Variants in DLG2 observed in about 807,000 individuals in gnomAD.
DLG2 encodes disks large homolog 2.
Under a neutral mutation model 132.5 loss-of-function variants are expected in DLG2, and 45 were observed. The ratio of observed to expected loss-of-function variants is 0.34; its 90% confidence interval spans 0.27 to 0.44. The LOEUF (loss-of-function observed/expected upper bound fraction) is 0.44. Among genes scored for constraint, DLG2 ranks in the 20% least tolerant of loss-of-function variants. The pLI is 1.00. For synonymous variants in DLG2, 424 were observed against 419.6 expected (o/e 1.01, Z -0.13); for missense variants, 1,045 against 1,196.9 (o/e 0.87, Z 1.87).
intron 19 of DLG2, among the ~76,000 whole-genome samples, chr11:83,599,678 G>A (rs1440392103): frequency 6.6e-6 from 1 of 152,110 alleles, no homozygotes; most frequent in African/African-American, 2.4e-5. Flanking sequence ...TGTTTTTTGA[G>A]GACAAGATCC....
intron 11 of DLG2, among the ~76,000 whole-genome samples, chr11:84,006,664 G>A (rs151126803): frequency 1.1e-4 from 17 of 151,526 alleles, no homozygotes; most frequent in Admixed American, 2.0e-4. Context: ...AAAATATTAC[G>A]TATCAATAAA....
chr11:84,806,903 G>A (rs2076060085), intron 6 of DLG2, among the ~76,000 whole-genome samples: 1 of 151,962 alleles, frequency 6.6e-6, no homozygotes, highest in Non-Finnish European at 1.5e-5. Context: ...AAGACTAAGG[G>A]AATATAAATG....
intron 6 of DLG2, among the ~76,000 whole-genome samples, chr11:85,066,996 G>A (rs1371347027): frequency 6.6e-6 from 1 of 151,692 alleles, no homozygotes; most frequent in Non-Finnish European, 1.5e-5. Flanking sequence ...AAATTTTTCT[G>A]TTCACTGATG....
At chr11:85,576,366 G>A (rs1317275047) in intron 3 of DLG2, among the ~76,000 whole-genome samples, 1 of 152,086 alleles carries the variant, frequency 6.6e-6, no homozygotes, top group Non-Finnish European at 1.5e-5. Context: ...TTAACCTGAT[G>A]TACTTTCCTG....
At chr11:85,051,648 G>A (rs534960568) in intron 6 of DLG2, among the ~76,000 whole-genome samples, 4 of 152,200 alleles carry the variant, frequency 2.6e-5, no homozygotes, top group South Asian at 2.1e-4. Flanking sequence ...TTTATAGTGC[G>A]GAGTTGTGAA....
At chr11:83,521,708 C>G (rs1835762) in intron 21 of DLG2, among the ~76,000 whole-genome samples, 28,095 of 152,056 alleles carry the variant, frequency 0.18, 2,822 homozygotes, top group Non-Finnish European at 0.19. Flanking sequence ...CAATTCTATT[C>G]AGGGTCCCCC....
chr11:83,747,729 T>C (rs1042154043), intron 18 of DLG2, among the ~76,000 whole-genome samples: 3 of 152,042 alleles, frequency 2.0e-5, no homozygotes, highest in Non-Finnish European at 2.9e-5. Context: ...TTAGTTTTTA[T>C]GGTTGTATTA....
At chr11:85,589,184 T>C (rs1396508282) in intron 3 of DLG2, among the ~76,000 whole-genome samples, 1 of 152,204 alleles carries the variant, frequency 6.6e-6, no homozygotes, top group African/African-American at 2.4e-5. Flanking sequence ...TGGACAGATT[T>C]AGGACCACTG....
rs753885576 is a variant in DLG2 at position 85,101,104 on chromosome 11, C to T, written c.357+10557G>A. Among the ~76,000 whole-genome samples the T allele has an allele frequency of 3.9e-5, 6 of 152,026 alleles. No individual in the cohort carries two copies. In the South Asian group the frequency reaches 8.3e-4, roughly 21 times the overall value. On this transcript the variant is annotated intron_variant, in intron 6 of 27. Transcript: ENST00000376104. ...CCAGTGCCCCAGAACCAAATTATAT[C>T]ATAAAGCGTAAGAGCTTGTTATTGC... is the stretch of plus-strand genomic sequence containing the variant.
At chr11:84,613,080 T>G (rs1335492882) in intron 6 of DLG2, among the ~76,000 whole-genome samples, 1 of 152,116 alleles carries the variant, frequency 6.6e-6, no homozygotes, top group Non-Finnish European at 1.5e-5. Flanking sequence ...GTGAGGCAGT[T>G]GGGCTGATCG....
intron 3 of DLG2, among the ~76,000 whole-genome samples, chr11:85,464,961 C>A (rs551917149): frequency 6.6e-6 from 1 of 150,928 alleles, no homozygotes; most frequent in South Asian, 2.1e-4. Context: ...GTAATCCCAG[C>A]TACTTGGGAG....
At chr11:84,380,119 T>A (rs917764825) in intron 7 of DLG2, among the ~76,000 whole-genome samples, 3 of 152,000 alleles carry the variant, frequency 2.0e-5, no homozygotes, top group African/African-American at 7.2e-5. Context: ...ATAAAAACAT[T>A]TTTGGACAAA....
chr11:83,746,701 A>G (rs186505050), intron 18 of DLG2, among the ~76,000 whole-genome samples: 220 of 152,248 alleles, frequency 1.4e-3, no homozygotes, highest in African/African-American at 5.1e-3. Flanking sequence ...CGTTGTGCAC[A>G]TGTACCCTAG....
At chr11:83,936,066 C>T (rs1245936288) in intron 14 of DLG2, among the ~76,000 whole-genome samples, 1 of 152,146 alleles carries the variant, frequency 6.6e-6, no homozygotes, top group African/African-American at 2.4e-5. Flanking sequence ...CACAAGGATG[C>T]ATAACCTCAG....
chr11:85,579,516 G>T (rs1462580452), intron 3 of DLG2, among the ~76,000 whole-genome samples: 1 of 152,172 alleles, frequency 6.6e-6, no homozygotes. Flanking sequence ...TATGTCAAAT[G>T]CTCCTGAAAA....
intron 6 of DLG2, among the ~76,000 whole-genome samples, chr11:85,003,786 T>C (rs779606587): frequency 3.9e-5 from 6 of 152,170 alleles, no homozygotes; most frequent in Non-Finnish European, 7.3e-5. Flanking sequence ...GTTTGTTACA[T>C]AGGTATATAT....
At chr11:83,570,868 G>A (rs746156703) in intron 19 of DLG2, among the ~76,000 whole-genome samples, 1 of 152,086 alleles carries the variant, frequency 6.6e-6, no homozygotes, top group Non-Finnish European at 1.5e-5. Context: ...TTAAATGACA[G>A]ATGAGTTACT....
intron 7 of DLG2, among the ~76,000 whole-genome samples, chr11:84,490,320 C>A (rs944551863): frequency 5.3e-5 from 8 of 152,110 alleles, no homozygotes; most frequent in African/African-American, 1.2e-4. Context: ...TGGAGGTATG[C>A]TTTTACAAGT....
chr11:83,694,736 TA>T (rs59356498), intron 18 of DLG2, among the ~76,000 whole-genome samples: 43,195 of 152,034 alleles, frequency 0.28, 7,822 homozygotes, highest in African/African-American at 0.52. Context: ...CATAAATAAA[TA>T]AAACAAATGA....
Sources: gnomAD v4.1 joint callset for allele counts (sites outside exome capture counted in the v4.1 genomes callset) on GRCh38, gnomAD v4.1.1 for gene constraint, MANE v1.5 for transcripts, NCBI Gene and HGNC (gene_info 2026-07-23, HGNC 2026-07-21) for gene names.